Variants in PPFIA2 observed in about 807,000 individuals in gnomAD.
PPFIA2 encodes PPFI scaffold protein A2.
PPFIA2 carries 46 observed loss-of-function variants against 175.5 expected under a neutral mutation model. The ratio of observed to expected loss-of-function variants is 0.26; its 90% CI spans 0.21 to 0.34. The LOEUF (loss-of-function observed/expected upper bound fraction) is 0.34. Ranked by LOEUF, PPFIA2 falls within the 10% of genes least tolerant of loss-of-function variation. The probability of loss-of-function intolerance (pLI) is 1.00; values close to 1 mark genes in which losing one functional copy is unlikely to be tolerated. For synonymous variants in PPFIA2, 568 were observed against 511.4 expected (o/e 1.11, Z -1.49); for missense variants, 1,179 against 1,506.1 (o/e 0.78, Z 3.60).
At chr12:81,282,959 T>A in intron 26 of PPFIA2, 51 bp downstream of exon 26, 1 of 1,509,828 alleles carries the variant, frequency 6.6e-7, no homozygotes, top group Non-Finnish European at 9.2e-7. Context: ...ATTTATATTC[T>A]CATTGCCTAC....
At chr12:81,593,174 T>G (rs2058871130) in intron 4 of PPFIA2, among the ~76,000 whole-genome samples, 2 of 152,124 alleles carry the variant, frequency 1.3e-5, no homozygotes, top group Admixed American at 6.6e-5. Context: ...CAATAAAAAT[T>G]TAAAGTTCTC....
chr12:81,262,568 T>G (rs188332315), intron 31 of PPFIA2, among the ~76,000 whole-genome samples: 32 of 152,322 alleles, frequency 2.1e-4, no homozygotes, highest in Non-Finnish European at 4.4e-4. Context: ...AGCATGGGAC[T>G]ATTTTTCTTT....
chr12:81,631,771 A>G (rs1287557751), intron 4 of PPFIA2, among the ~76,000 whole-genome samples: 1 of 152,138 alleles, frequency 6.6e-6, no homozygotes, highest in Non-Finnish European at 1.5e-5. Flanking sequence ...GCTCTGACCT[A>G]TTGGACTTAC....
intron 4 of PPFIA2, among the ~76,000 whole-genome samples, chr12:81,492,302 C>G (rs751962684): frequency 6.6e-6 from 1 of 151,836 alleles, no homozygotes; most frequent in African/African-American, 2.4e-5. Context: ...TTGAAGAGGT[C>G]CAGGCATTCT....
At chr12:81,446,570 A>G (rs74104277) in intron 5 of PPFIA2, among the ~76,000 whole-genome samples, 22,918 of 152,164 alleles carry the variant, frequency 0.15, 2,531 homozygotes, top group East Asian at 0.41. Context: ...TTATAATTTT[A>G]CTAGTGAAGA....
chr12:81,362,855 T>A, intron 14 of PPFIA2, 71 bp from the exon 15 acceptor site: 2 of 933,178 alleles, frequency 2.1e-6, no homozygotes, highest in Non-Finnish European at 3.2e-6. Flanking sequence ...TGAGTCTTAA[T>A]GATTTTTTTT....
intron 4 of PPFIA2, among the ~76,000 whole-genome samples, chr12:81,652,343 AT>A (rs1209974448): frequency 1.3e-5 from 2 of 151,358 alleles, no homozygotes; most frequent in African/African-American, 4.9e-5. Flanking sequence ...CAAAGTTATC[AT>A]TGGCGATTTG....
chr12:81,622,137 G>A (rs2062115257), intron 4 of PPFIA2, among the ~76,000 whole-genome samples: 1 of 152,242 alleles, frequency 6.6e-6, no homozygotes, highest in East Asian at 1.9e-4. Context: ...TCCACTATCT[G>A]GATAATTTGG....
At chr12:81,706,364 G>A (rs913110960) in intron 3 of PPFIA2, among the ~76,000 whole-genome samples, 12 of 152,106 alleles carry the variant, frequency 7.9e-5, no homozygotes, top group African/African-American at 2.9e-4. Context: ...AATTTGAAAT[G>A]CATTTACAGT....
In PPFIA2 at chr12:81,680,110, T is replaced by C. The variant is rs189323497; in HGVS notation, c.250-3266A>G. ...AAACATTGACTTCCTAGAAAGTTTTTTGACTTACTATTGTAAAAATATTAT... is the reference window on the plus strand; with the variant it reads ...AAACATTGACTTCCTAGAAAGTTTTCTGACTTACTATTGTAAAAATATTAT... On this transcript the variant is annotated intron_variant, in intron 3 of 32. Coordinates refer to ENST00000549396, the MANE Select transcript of PPFIA2 (RefSeq NM_003625.5). Among the ~76,000 whole-genome samples the C allele has an allele frequency of 5.6e-4, 85 of 152,118 alleles. 1 individual carries two copies. Among genetic ancestry groups the C allele is most frequent in the African/African-American group, 1.9e-3 (81 of 41,550 alleles).
chr12:81,378,537 T>C lies in PPFIA2; in HGVS notation c.985-2595A>G, dbSNP rs182085424. On this transcript the variant is annotated intron_variant, in intron 9 of 32. Transcript: ENST00000549396. ...TTTAAAAAGCTATTTATTTTCACTT[T>C]TGACTTTTTCTACTTTACATATTTT... Among the ~76,000 whole-genome samples, 401 of 152,354 alleles carry C rather than the reference T, an allele frequency of 2.6e-3. 1 individual carries two copies. Among genetic ancestry groups the C allele is most frequent in the African/African-American group, 8.9e-3 (371 of 41,586 alleles).
intron 22 of PPFIA2, among the ~76,000 whole-genome samples, chr12:81,320,558 A>G (rs1001208758): frequency 2.0e-5 from 3 of 152,070 alleles, no homozygotes; most frequent in Non-Finnish European, 4.4e-5. Flanking sequence ...ATTGAAAATG[A>G]TAAATTAGTA....
At chr12:81,512,706 A>G (rs1156977249) in intron 4 of PPFIA2, among the ~76,000 whole-genome samples, 2 of 151,878 alleles carry the variant, frequency 1.3e-5, no homozygotes, top group African/African-American at 4.8e-5. Context: ...CTTCCCCACA[A>G]GTCCCAAAAG....
chr12:81,477,631 G>A (rs528705091), intron 4 of PPFIA2, among the ~76,000 whole-genome samples: 3 of 152,104 alleles, frequency 2.0e-5, no homozygotes, highest in Middle Eastern at 3.4e-3. Context: ...GAATTTTATC[G>A]AAGGCCTTTT....
chr12:81,516,654 G>T (rs2147941509), intron 4 of PPFIA2, among the ~76,000 whole-genome samples: 1 of 152,240 alleles, frequency 6.6e-6, no homozygotes, highest in South Asian at 2.1e-4. Flanking sequence ...GCAATCAAAA[G>T]TTCAAAGAAT....
At chr12:81,571,028 G>T (rs967820601) in intron 4 of PPFIA2, among the ~76,000 whole-genome samples, 5 of 151,658 alleles carry the variant, frequency 3.3e-5, no homozygotes, top group Non-Finnish European at 7.4e-5. Context: ...ATTCATTATG[G>T]TGTAACAACT....
intron 13 of PPFIA2, chr12:81,368,281 C>T (rs1264931760): frequency 1.6e-6 from 1 of 635,512 alleles, no homozygotes; most frequent in Non-Finnish European, 2.5e-6. Context: ...GGGATTGATA[C>T]TAGTTCTTTT....
In PPFIA2 at chr12:81,414,923, C is replaced by T. The variant is rs942960612; in HGVS notation, c.646-9020G>A. ...AGAATTAAGAAACCCAAGCCAGTAA[C>T]TATTTCCTTTTCTAGCTCTGCATTT... On this transcript the variant is annotated intron_variant, in intron 7 of 32. Transcript: ENST00000549396. Among the ~76,000 whole-genome samples, 5 of 150,962 alleles carry T rather than the reference C, an allele frequency of 3.3e-5. No homozygotes were observed. The Admixed American group carries it at 3.3e-4, about 10-fold the overall frequency.
intron 3 of PPFIA2, among the ~76,000 whole-genome samples, chr12:81,720,504 A>G (rs1408700174): frequency 6.6e-6 from 1 of 151,280 alleles, no homozygotes; most frequent in Non-Finnish European, 1.5e-5. Context: ...CCTTTTGGTA[A>G]AGAGATCTCA....
Sources: gnomAD v4.1 joint callset for allele counts (sites outside exome capture counted in the v4.1 genomes callset) on GRCh38, gnomAD v4.1.1 for gene constraint, MANE v1.5 for transcripts, NCBI Gene and HGNC (gene_info 2026-07-23, HGNC 2026-07-21) for gene names.